The following ATG4B variants were observed in gnomAD, a reference collection of about 807,000 sequenced individuals.
The protein encoded by ATG4B is autophagy related 4B cysteine peptidase, also known as cysteine protease ATG4B.
ATG4B carries 29 observed loss-of-function variants against 56.6 expected under a neutral mutation model. The observed-to-expected ratio is 0.51, with a 90% confidence interval of 0.38 to 0.70. The LOEUF (loss-of-function observed/expected upper bound fraction) is 0.70, where lower values mean the gene tolerates loss of function less well. Ranked by LOEUF, ATG4B falls within the 30% of genes least tolerant of loss-of-function variation. ATG4B has a pLI of 0.00. For synonymous variants in ATG4B, 224 were observed against 206.1 expected (o/e 1.09, Z -0.74); for missense variants, 461 against 515.5 (o/e 0.89, Z 1.02).
At chr2:241,646,447 C>T (rs545279962) in intron 1 of ATG4B, among the ~76,000 whole-genome samples, 6 of 152,326 alleles carry the variant, frequency 3.9e-5, no homozygotes, top group African/African-American at 1.4e-4. Context: ...ACGCCACATT[C>T]TTCTGAAGTA....
chr2:241,652,160 C>T (rs2068246645), intron 3 of ATG4B: 1 of 340,790 alleles, frequency 2.9e-6, no homozygotes, highest in Non-Finnish European at 5.8e-6. Flanking sequence ...TTTAATGATA[C>T]ACCTTGTGAG....
chr2:241,644,989 A>C (rs949648858), intron 1 of ATG4B, among the ~76,000 whole-genome samples: 4 of 152,164 alleles, frequency 2.6e-5, no homozygotes, highest in African/African-American at 9.7e-5. Flanking sequence ...TAATTCCAAA[A>C]AAGTTATCTT....
intron 1 of ATG4B, among the ~76,000 whole-genome samples, chr2:241,640,621 G>A (rs1255195340): frequency 3.3e-5 from 5 of 152,234 alleles, no homozygotes; most frequent in South Asian, 2.1e-4. Context: ...GCAGCGAAGT[G>A]CGTGGCTCCT....
rs1007464502 is a variant in ATG4B at position 241,668,151 on chromosome 2, C to T, written c.741C>T (p.Phe247=). 3.7e-6 allele frequency: 6 copies of T among 1,601,550 alleles called. No individual in the cohort carries two copies. In the Admixed American group the frequency reaches 8.5e-5, roughly 23 times the overall value. The change falls in exon 9 of 13, where the codon TTC becomes TTT. Residue 247 remains phenylalanine, a synonymous_variant. Transcript: ENST00000404914. This position sits in a 1 kb window ranked among gnomAD's most constrained non-coding sequence, Gnocchi z 4.2. ...CCCCCGCCCCTCCACAGCACTGCTTCATGATGCCCCAGTCCCTGGGCGTCA... is the reference window on the plus strand; with the variant it reads ...CCCCCGCCCCTCCACAGCACTGCTTTATGATGCCCCAGTCCCTGGGCGTCA... ...EAYVETLKHC[F]MMPQSLGVIG...
rs1236328201 is a variant in ATG4B, at chr2:241,672,583, C to T, written c.*319C>T. Reference sequence around the variant, plus strand: ...CCTCAGTCCCACTTGCTCCCAGGCGCCGGTTCTGTGGTTGGTTTGGAATTA... The same window carrying T: ...CCTCAGTCCCACTTGCTCCCAGGCGTCGGTTCTGTGGTTGGTTTGGAATTA... On this transcript the variant is annotated 3_prime_UTR_variant, in exon 13 of 13. Transcript: ENST00000404914. The T allele has an allele frequency of 1.3e-5, 5 of 381,238 alleles. No individual in the cohort carries two copies. The highest frequency in any genetic ancestry group is 2.4e-5 in the Non-Finnish European group (5 of 207,370). 23.6% of individuals were successfully genotyped at this position (381,238 alleles called of 1,614,324 possible).
chr2:241,672,192 T>G lies in ATG4B; in HGVS notation c.1110T>G (p.Asp370Glu). 10 of 1,577,568 alleles carry G rather than the reference T, an allele frequency of 6.3e-6. No homozygotes were observed. Among genetic ancestry groups the G allele is most frequent in the Non-Finnish European group, 8.6e-6 (10 of 1,161,136 alleles). The change falls in exon 13 of 13, where the codon GAT becomes GAG. Residue 370 changes from aspartate to glutamate, a missense_variant and splice_region_variant. By Grantham distance (45) the Asp-to-Glu change is conservative. Transcript: ENST00000404914. ...ACPDVLNLSL[D>E]SSDVERLERF... ...TGCGCTATGTCCTGTTCCTTCTAGA[T>G]TCTTCTGATGTAGAGCGACTGGAAA...
Position 241,673,610 on chromosome 2 carries a change from C to T in ATG4B, c.*1346C>T, listed in dbSNP as rs1351604255. The T allele has an allele frequency of 2.2e-6, 1 of 455,912 alleles. No homozygotes were observed. Among genetic ancestry groups the T allele is most frequent in the Non-Finnish European group, 4.4e-6 (1 of 227,088 alleles). The allele number at this position is 455,912 out of a possible 1,614,324, so 28.2% of individuals were successfully genotyped here. A position where few individuals can be genotyped will look rare whatever the true frequency, so the allele number is the denominator to read the frequency against. ...TAGTGTATTTCCTCGTATCCTTTCTCCCTTGGGTGTAGTTGGGGTGGGGAA... is the reference window on the plus strand; with the variant it reads ...TAGTGTATTTCCTCGTATCCTTTCTTCCTTGGGTGTAGTTGGGGTGGGGAA... On this transcript the variant is annotated 3_prime_UTR_variant, in exon 13 of 13. Coordinates refer to ENST00000404914, the MANE Select transcript of ATG4B (RefSeq NM_013325.5).
At chr2:241,660,856 G>C (rs143790294) in intron 7 of ATG4B, among the ~76,000 whole-genome samples, 2 of 152,090 alleles carry the variant, frequency 1.3e-5, no homozygotes, top group African/African-American at 4.8e-5. Context: ...CGTTCCGCAC[G>C]CGTGCTCAGG....
At chr2:241,647,207 G>C (rs555627435) in intron 1 of ATG4B, among the ~76,000 whole-genome samples, 2 of 152,318 alleles carry the variant, frequency 1.3e-5, no homozygotes, top group East Asian at 3.9e-4. Flanking sequence ...TAGCTCTGCT[G>C]TACTTTAAAT....
In ATG4B at chr2:241,651,162, G is replaced by C. The variant is rs1311108728; in HGVS notation, c.112+51G>C. ...TGGTCTGACCGCTTGGCCTGCAGAA[G>C]CATTTTGTGATCACTGTTCTCTGCT... On this transcript the variant is annotated intron_variant, in intron 2 of 12. Transcript: ENST00000404914. This position sits in a 1 kb window ranked among gnomAD's most constrained non-coding sequence, Gnocchi z 4.1. 1.2e-5 allele frequency: 19 copies of C among 1,571,916 alleles called. No homozygotes were observed. The highest frequency in any genetic ancestry group is 1.6e-5 in the Non-Finnish European group (19 of 1,152,290).
rs540962050 is a variant in ATG4B at position 241,663,374 on chromosome 2, G to T, written c.539-3271G>T. On this transcript the variant is annotated intron_variant, in intron 7 of 12. Coordinates refer to ENST00000404914, the MANE Select transcript of ATG4B (RefSeq NM_013325.5). ...GTAGATACGTGTCAAACCCTAGATTGTGACAGCAGAGTGTGCCTGGGAATT... is the reference window on the plus strand; with the variant it reads ...GTAGATACGTGTCAAACCCTAGATTTTGACAGCAGAGTGTGCCTGGGAATT... Among the ~76,000 whole-genome samples the T allele has an allele frequency of 3.3e-5, 5 of 152,318 alleles. No homozygotes were observed. In the East Asian group the frequency reaches 9.6e-4, roughly 29 times the overall value.
Position 241,647,586 on chromosome 2 carries a change from C to T in ATG4B, c.11-3424C>T, listed in dbSNP as rs978248852. ...AGTGAGCCGAGATCGCGCTACTGCACTCCAGCCTGGTGGGCGACAGAGTGA... is the reference window on the plus strand; with the variant it reads ...AGTGAGCCGAGATCGCGCTACTGCATTCCAGCCTGGTGGGCGACAGAGTGA... On this transcript the variant is annotated intron_variant, in intron 1 of 12. Transcript: ENST00000404914. Among the ~76,000 whole-genome samples, 5 of 142,876 alleles carry T rather than the reference C, an allele frequency of 3.5e-5. No individual in the cohort carries two copies. The East Asian group carries it at 1.0e-3, about 30-fold the overall frequency. 93.7% of individuals were successfully genotyped at this position (142,876 alleles called of 152,430 possible).
intron 7 of ATG4B, among the ~76,000 whole-genome samples, chr2:241,664,351 G>A (rs996024841): frequency 1.3e-5 from 2 of 152,006 alleles, no homozygotes; most frequent in South Asian, 2.1e-4. Flanking sequence ...AGGTAACATG[G>A]TAAAACCTCA....
chr2:241,666,942 T>C (rs949072220), intron 8 of ATG4B, 104 bp downstream of exon 8: 20 of 1,356,554 alleles, frequency 1.5e-5, no homozygotes, highest in Non-Finnish European at 1.9e-5. Context: ...TGCAGCCGGC[T>C]CTCGGGGGAG....
chr2:241,666,868 A>G (rs2068794163), intron 8 of ATG4B, 30 bp downstream of exon 8: 2 of 1,536,336 alleles, frequency 1.3e-6, no homozygotes, highest in Non-Finnish European at 1.8e-6. Context: ...GCTTGCCCTG[A>G]GTCCCCGTCC....
intron 1 of ATG4B, among the ~76,000 whole-genome samples, chr2:241,642,836 G>A (rs1204115671): frequency 7.0e-6 from 1 of 142,166 alleles, no homozygotes; most frequent in Non-Finnish European, 1.5e-5. Context: ...GCTTCTAAGG[G>A]GGACTCTTTC....
At chr2:241,654,419 TAAAAAAAAAAA>T (rs201525288) in intron 4 of ATG4B, 116 bp from the exon 5 acceptor site, 4 of 437,958 alleles carry the variant, frequency 9.1e-6, no homozygotes, top group Non-Finnish European at 1.6e-5. Flanking sequence ...AGACTCTGTT[TAAAAAAAAAAA>T]AAAAAAAAAA....
chr2:241,672,141 C>G (rs766397379), intron 12 of ATG4B, 50 bp from the exon 13 acceptor site: 13 of 1,550,868 alleles, frequency 8.4e-6, no homozygotes, highest in Non-Finnish European at 1.1e-5. Context: ...TGACTCACAC[C>G]CAGGTGGCCC....
chr2:241,672,076 C>T, intron 12 of ATG4B, 115 bp from the exon 13 acceptor site: 1 of 1,491,284 alleles, frequency 6.7e-7, no homozygotes, highest in Non-Finnish European at 9.0e-7. Flanking sequence ...ATGGGGACAG[C>T]TGTCTGTGGG....
Sources: allele counts gnomAD v4.1 joint callset (sites outside exome capture counted in the v4.1 genomes callset), GRCh38; gene constraint gnomAD v4.1.1; non-coding constraint Gnocchi (gnomAD v3.1); transcripts MANE v1.5; gene names NCBI Gene and HGNC (gene_info 2026-07-23, HGNC 2026-07-21).